The following HIVEP2 variants were observed in gnomAD, a reference collection of about 807,000 sequenced individuals.
The protein encoded by HIVEP2 is HIVEP zinc finger 2.
Under a neutral mutation model 180.7 loss-of-function variants are expected in HIVEP2, and 14 were observed. That is an observed-to-expected ratio of 0.08 (90% confidence interval 0.05 to 0.12). The LOEUF is 0.12. Ranked by LOEUF, HIVEP2 falls within the 10% of genes least tolerant of loss-of-function variation. The pLI is 1.00. For missense variants in HIVEP2, 2,579 were observed against 3,008.5 expected, an observed-to-expected ratio of 0.86 and a Z score of 3.34; for synonymous variants, 1,184 against 1,136.4, an observed-to-expected ratio of 1.04 and a Z score of -0.84.
intron 1 of HIVEP2, among the ~76,000 whole-genome samples, chr6:142,912,954 G>A (rs548454715): frequency 1.3e-5 from 2 of 152,314 alleles, no homozygotes; most frequent in South Asian, 4.2e-4. Context: ...AAAATCAAAT[G>A]ATTTTAGAAG....
chr6:142,754,212 A>G (rs986782538), intron 9 of HIVEP2, among the ~76,000 whole-genome samples: 4 of 152,154 alleles, frequency 2.6e-5, no homozygotes, highest in African/African-American at 4.8e-5. Context: ...GTACAGAGAC[A>G]CATTTCAGCT....
At chr6:142,916,002 C>A (rs544086339) in intron 1 of HIVEP2, among the ~76,000 whole-genome samples, 2 of 152,218 alleles carry the variant, frequency 1.3e-5, no homozygotes, top group African/African-American at 4.8e-5. Context: ...GGCATGCAGA[C>A]CACACACTTA....
chr6:142,818,020 C>A (rs9403407), intron 2 of HIVEP2, among the ~76,000 whole-genome samples: 99 of 148,626 alleles, frequency 6.7e-4, no homozygotes, highest in African/African-American at 2.3e-3. Context: ...AAAAAAAAAA[C>A]AAGTAAAATA....
chr6:142,896,785 A>T (rs1777007192), intron 1 of HIVEP2, among the ~76,000 whole-genome samples: 1 of 152,198 alleles, frequency 6.6e-6, no homozygotes, highest in Admixed American at 6.5e-5. Flanking sequence ...CTGCTCCAGG[A>T]TTCTGCTCAA....
At chr6:142,796,015 C>A (rs1376749670) in intron 2 of HIVEP2, among the ~76,000 whole-genome samples, 1 of 152,076 alleles carries the variant, frequency 6.6e-6, no homozygotes, top group Admixed American at 6.6e-5. Context: ...TATGGGGGAG[C>A]CCACGTGGAG....
intron 1 of HIVEP2, among the ~76,000 whole-genome samples, chr6:142,940,114 T>C (rs1778141417): frequency 6.6e-6 from 1 of 152,200 alleles, no homozygotes; most frequent in African/African-American, 2.4e-5. Flanking sequence ...TGTTTGAAAA[T>C]ATATAGATCT....
At chr6:142,893,322 C>A (rs966455093) in intron 1 of HIVEP2, among the ~76,000 whole-genome samples, 2 of 152,180 alleles carry the variant, frequency 1.3e-5, no homozygotes, top group African/African-American at 4.8e-5. Context: ...CACGAAGAAA[C>A]CCCACAGTAA....
intron 1 of HIVEP2, among the ~76,000 whole-genome samples, chr6:142,872,783 C>T (rs747378789): frequency 2.6e-5 from 4 of 152,228 alleles, no homozygotes; most frequent in Non-Finnish European, 4.4e-5. Context: ...TTAATGGCCA[C>T]GATTGAGGGT....
intron 1 of HIVEP2, among the ~76,000 whole-genome samples, chr6:142,848,179 G>A (rs1368754084): frequency 6.6e-6 from 1 of 152,170 alleles, no homozygotes; most frequent in Non-Finnish European, 1.5e-5. Flanking sequence ...TGAAGCTACT[G>A]CACCAAGAAT....
chr6:142,810,761 C>CAAAAAAAAAAAAAAAAAAA (rs60893476), intron 2 of HIVEP2, among the ~76,000 whole-genome samples: 3 of 100,750 alleles, frequency 3.0e-5, no homozygotes, highest in Non-Finnish European at 3.9e-5. Flanking sequence ...GACTCTGTCT[C>CAAAAAAAAAAAAAAAAAAA]AAAAAAAAAA....
chr6:142,912,031 T>G (rs1261116907), intron 1 of HIVEP2, among the ~76,000 whole-genome samples: 1 of 152,250 alleles, frequency 6.6e-6, no homozygotes, highest in Non-Finnish European at 1.5e-5. Flanking sequence ...ATCTGAAATC[T>G]CCATACTGGG....
intron 2 of HIVEP2, among the ~76,000 whole-genome samples, chr6:142,836,642 T>A (rs765614436): frequency 6.6e-6 from 1 of 152,204 alleles, no homozygotes; most frequent in Non-Finnish European, 1.5e-5. Context: ...ATTTTTACAT[T>A]ACTTCAAGAT....
At chr6:142,926,877 G>C (rs369142259) in intron 1 of HIVEP2, among the ~76,000 whole-genome samples, 4 of 151,990 alleles carry the variant, frequency 2.6e-5, no homozygotes, top group Admixed American at 2.0e-4. Context: ...CCGGCAGGAA[G>C]GGGGGAGGCC....
At chr6:142,937,645 T>A (rs1297255564) in intron 1 of HIVEP2, among the ~76,000 whole-genome samples, 3 of 152,342 alleles carry the variant, frequency 2.0e-5, no homozygotes, top group Admixed American at 1.3e-4. Context: ...TGGCCTTTTT[T>A]AAATATTTGA....
chr6:142,760,819 C>T (rs781034352), intron 8 of HIVEP2, 152 bp from the exon 9 acceptor site: 1 of 603,326 alleles, frequency 1.7e-6, no homozygotes, highest in Non-Finnish European at 2.9e-6. Flanking sequence ...AGGCACTTAC[C>T]TGTGTGACCC....
intron 2 of HIVEP2, among the ~76,000 whole-genome samples, chr6:142,811,202 A>T (rs199897577): frequency 1.5e-5 from 2 of 129,518 alleles, no homozygotes; most frequent in East Asian, 2.3e-4. Flanking sequence ...TGTGTGTGTG[A>T]GAGAGACAGA....
In HIVEP2 at chr6:142,772,599, T is replaced by C; in HGVS notation, c.2140A>G (p.Ser714Gly). The C allele has an allele frequency of 1.2e-6, 2 of 1,614,250 alleles. No homozygotes were observed. The highest frequency in any genetic ancestry group is 1.7e-6 in the Non-Finnish European group (2 of 1,180,046). ...GDEEDTPMIC[S>G]SIVSTPVGIM... ...CCCACAGGAGTGCTTACAATGCTGCTGCAGATCATGGGCGTGTCCTCTTCA... is the reference window on the plus strand; with the variant it reads ...CCCACAGGAGTGCTTACAATGCTGCCGCAGATCATGGGCGTGTCCTCTTCA... The change falls in exon 5 of 10, where the codon AGC becomes GGC. Residue 714 changes from serine to glycine, a missense_variant. Ser to Gly is a moderately conservative substitution (Grantham distance 56, BLOSUM62 0). Transcript: ENST00000367603. This position sits in a 1 kb window ranked among gnomAD's most constrained non-coding sequence, Gnocchi z 4.9.
intron 1 of HIVEP2, among the ~76,000 whole-genome samples, chr6:142,871,397 A>C (rs1296842806): frequency 6.6e-6 from 1 of 152,150 alleles, no homozygotes; most frequent in Non-Finnish European, 1.5e-5. Flanking sequence ...TTCATTCTAC[A>C]ATGAAAACTG....
At chr6:142,925,906 G>C (rs1470138681) in intron 1 of HIVEP2, among the ~76,000 whole-genome samples, 2 of 152,130 alleles carry the variant, frequency 1.3e-5, no homozygotes, top group Non-Finnish European at 2.9e-5. Context: ...GTGAACTTTA[G>C]CATTTTGGCT....
Sources: allele counts gnomAD v4.1 joint callset (sites outside exome capture counted in the v4.1 genomes callset), GRCh38; gene constraint gnomAD v4.1.1; non-coding constraint Gnocchi (gnomAD v3.1); transcripts MANE v1.5; gene names NCBI Gene and HGNC (gene_info 2026-07-23, HGNC 2026-07-21).